DOCK8: variants seen among roughly 807,000 people sequenced by gnomAD.
DOCK8 encodes dedicator of cytokinesis 8.
Under a neutral mutation model 245.6 loss-of-function variants are expected in DOCK8, and 141 were observed. The observed-to-expected ratio is 0.57, with a 90% CI of 0.50 to 0.66. DOCK8 has a LOEUF of 0.66. Among genes scored for constraint, DOCK8 ranks in the 30% least tolerant of loss-of-function variants. The probability of loss-of-function intolerance (pLI) is 0.00; values close to 1 mark genes in which losing one functional copy is unlikely to be tolerated. For missense variants in DOCK8, 2,965 were observed against 2,603.4 expected (o/e 1.14, Z -3.02); for synonymous variants, 1,168 against 970.2 (o/e 1.20, Z -3.79).
At chr9:345,057 A>G (rs888594312) in intron 14 of DOCK8, among the ~76,000 whole-genome samples, 2 of 152,186 alleles carry the variant, frequency 1.3e-5, no homozygotes, top group Non-Finnish European at 2.9e-5. Context: ...TCTGTCTCAA[A>G]AAAAAGGTAT....
chr9:278,965 G>C (rs573473075), intron 2 of DOCK8, among the ~76,000 whole-genome samples: 1 of 152,204 alleles, frequency 6.6e-6, no homozygotes, highest in South Asian at 2.1e-4. Flanking sequence ...GACTGGACGA[G>C]GGAGGGCAGT....
At chr9:241,121 A>G (rs1256068789) in intron 1 of DOCK8, among the ~76,000 whole-genome samples, 1 of 152,198 alleles carries the variant, frequency 6.6e-6, no homozygotes, top group African/African-American at 2.4e-5. Flanking sequence ...TAATAATTGT[A>G]CATATTCATG....
At chr9:258,592 CTTTTTTT>C (rs540266063) in intron 1 of DOCK8, among the ~76,000 whole-genome samples, 11 of 100,294 alleles carry the variant, frequency 1.1e-4, no homozygotes, top group African/African-American at 3.2e-4. Context: ...TGAAGAGACT[CTTTTTTT>C]TTTTTTTTTT....
At chr9:411,615 C>T (rs947755481) in intron 28 of DOCK8, among the ~76,000 whole-genome samples, 3 of 151,914 alleles carry the variant, frequency 2.0e-5, no homozygotes, top group African/African-American at 7.3e-5. Flanking sequence ...CTAGCATTAC[C>T]CTATACTAAA....
intron 23 of DOCK8, among the ~76,000 whole-genome samples, chr9:390,025 A>G (rs1160432126): frequency 6.6e-6 from 1 of 152,026 alleles, no homozygotes; most frequent in Non-Finnish European, 1.5e-5. Flanking sequence ...ATCTCAAAAA[A>G]AAAAAAAGTT....
At chr9:355,183 G>C (rs7470883) in intron 14 of DOCK8, among the ~76,000 whole-genome samples, 1 of 142,624 alleles carries the variant, frequency 7.0e-6, no homozygotes, top group African/African-American at 2.5e-5. Flanking sequence ...GTGTATTTCT[G>C]TTTCTTTTCT....
intron 3 of DOCK8, among the ~76,000 whole-genome samples, chr9:287,152 TA>T (rs2048856729): frequency 2.0e-5 from 3 of 152,168 alleles, no homozygotes; most frequent in Non-Finnish European, 4.4e-5. Context: ...AAAAGATGAA[TA>T]AGTCAAAGTC....
intron 4 of DOCK8, among the ~76,000 whole-genome samples, chr9:294,605 C>T (rs566687857): frequency 6.6e-6 from 1 of 152,292 alleles, no homozygotes; most frequent in East Asian, 1.9e-4. Context: ...AACCGTAAGT[C>T]CCACTCTTGA....
In DOCK8 at chr9:432,234, T is replaced by C; in HGVS notation, c.4695T>C (p.Phe1565=). Residue 1565 remains phenylalanine, a synonymous_variant, in exon 37 of 48, where the codon TTT becomes TTC. Coordinates refer to ENST00000432829, the MANE Select transcript of DOCK8 (RefSeq NM_203447.4). ...LASLVGRAPD[F]NEEHLRRSLR... ...CTTTGGTGGGAAGAGCACCAGACTT[T>C]AATGAAGAGCACCTGAGAAGATCCT... 1.2e-6 allele frequency: 2 copies of C among 1,613,950 alleles called. No homozygotes were observed. The highest frequency in any genetic ancestry group is 1.3e-5 in the African/African-American group (1 of 74,940).
At chr9:362,961 T>C (rs1262820824) in intron 14 of DOCK8, among the ~76,000 whole-genome samples, 1 of 152,214 alleles carries the variant, frequency 6.6e-6, no homozygotes, top group Non-Finnish European at 1.5e-5. Context: ...GAGTGTTTGG[T>C]TGATAATTTG....
At chr9:259,038 G>A (rs1221241359) in intron 1 of DOCK8, among the ~76,000 whole-genome samples, 1 of 152,182 alleles carries the variant, frequency 6.6e-6, no homozygotes, top group Non-Finnish European at 1.5e-5. Context: ...TGAGTGTGGT[G>A]GTTCATGCCT....
chr9:355,182 T>TTTTTCTTTTTC (rs1439376250), intron 14 of DOCK8, among the ~76,000 whole-genome samples: 1 of 45,554 alleles, frequency 2.2e-5, no homozygotes, highest in African/African-American at 7.3e-5. Context: ...GGTGTATTTC[T>TTTTTCTTTTTC]GTTTCTTTTC....
rs185507991 is a variant in DOCK8, at chr9:363,549, A to G, written c.1680-4469A>G. Among the ~76,000 whole-genome samples the G allele has an allele frequency of 1.0e-3, 155 of 152,356 alleles. 4 individuals are homozygous for G. Among genetic ancestry groups the G allele is most frequent in the Non-Finnish European group, 2.4e-4 (16 of 68,040 alleles). ...TAAAAACATGCAGATTTAACAAAAC[A>G]TATTACTTAGCACTCTTACTGATTT... On this transcript the variant is annotated intron_variant, in intron 14 of 47. Coordinates refer to ENST00000432829, the MANE Select transcript of DOCK8 (RefSeq NM_203447.4).
At chr9:376,796 A>G (rs1418274756) in intron 19 of DOCK8, among the ~76,000 whole-genome samples, 181 bp from the exon 20 acceptor site, 1 of 152,236 alleles carries the variant, frequency 6.6e-6, no homozygotes, top group African/African-American at 2.4e-5. Context: ...GTTCAACTTC[A>G]TGCACCACAT....
At chr9:400,895 TCCC>T (rs1230014964) in intron 26 of DOCK8, among the ~76,000 whole-genome samples, 2 of 42,108 alleles carry the variant, frequency 4.7e-5, no homozygotes, top group South Asian at 1.1e-3. Flanking sequence ...CACCACCACC[TCCC>T]CCACTACCAA....
intron 14 of DOCK8, among the ~76,000 whole-genome samples, chr9:358,782 G>A (rs2052575758): frequency 1.3e-5 from 2 of 152,188 alleles, no homozygotes; most frequent in African/African-American, 4.8e-5. Context: ...CCAGAAAGTG[G>A]AGGTTGCAGT....
chr9:238,952 ACT>A (rs893616917), intron 1 of DOCK8, among the ~76,000 whole-genome samples: 53 of 127,824 alleles, frequency 4.1e-4, no homozygotes, highest in African/African-American at 1.3e-3. Flanking sequence ...ACTCACACAC[ACT>A]CTCACTGGGA....
chr9:404,479 G>T (rs747229361), intron 26 of DOCK8, among the ~76,000 whole-genome samples: 2 of 152,088 alleles, frequency 1.3e-5, no homozygotes, highest in Non-Finnish European at 2.9e-5. Flanking sequence ...TAGAAACTAC[G>T]AGAGAACACT....
At chr9:335,195 T>G (rs931461498) in intron 11 of DOCK8, among the ~76,000 whole-genome samples, 1 of 152,220 alleles carries the variant, frequency 6.6e-6, no homozygotes. Flanking sequence ...ATTTACTGTT[T>G]TAGTTTATTT....
Sources: gnomAD v4.1 joint callset for allele counts (sites outside exome capture counted in the v4.1 genomes callset) on GRCh38, gnomAD v4.1.1 for gene constraint, MANE v1.5 for transcripts, NCBI Gene and HGNC (gene_info 2026-07-23, HGNC 2026-07-21) for gene names.